The following RORB variants were observed in gnomAD, a reference collection of about 807,000 sequenced individuals.
RORB encodes RAR related orphan receptor B.
A neutral mutation model predicts 59.1 loss-of-function variants in RORB; 6 were observed. The ratio of observed to expected loss-of-function variants is 0.10; its 90% CI spans 0.06 to 0.20. RORB has a LOEUF of 0.20. Ranked by LOEUF, RORB falls within the 10% of genes least tolerant of loss-of-function variation. The probability of loss-of-function intolerance (pLI) is 1.00; values close to 1 mark genes in which losing one functional copy is unlikely to be tolerated. For missense variants in RORB, 320 were observed against 560.5 expected (o/e 0.57, Z 4.33); for synonymous variants, 215 against 204.5 (o/e 1.05, Z -0.44).
At chr9:74,531,800 ATAC>A (rs1185080461) in intron 1 of RORB, among the ~76,000 whole-genome samples, 1 of 152,010 alleles carries the variant, frequency 6.6e-6, no homozygotes, top group African/African-American at 2.4e-5. Flanking sequence ...GAGTGTAAAC[ATAC>A]TAAACTTTAC....
rs878866255 is a variant in RORB at position 74,685,329 on chromosome 9, C to A, written c.1225-134C>A. The A allele has an allele frequency of 1.3e-5, 9 of 693,706 alleles. No homozygotes were observed. In the South Asian group the frequency reaches 2.1e-4, roughly 16 times the overall value. 43.0% of individuals were successfully genotyped at this position (693,706 alleles called of 1,614,324 possible). Reference sequence around the variant, plus strand: ...TGTTGTAAGAGAAAAGCTGAAAGTGCGCCTTCTTTCTTTCTGAACATCTTT... The same window carrying A: ...TGTTGTAAGAGAAAAGCTGAAAGTGAGCCTTCTTTCTTTCTGAACATCTTT... On this transcript the variant is annotated intron_variant, in intron 9 of 9. Transcript: ENST00000376896.
intron 1 of RORB, among the ~76,000 whole-genome samples, chr9:74,519,818 G>A (rs1036073963): frequency 6.6e-6 from 1 of 151,916 alleles, no homozygotes; most frequent in African/African-American, 2.4e-5. Context: ...CCCAGAAATA[G>A]GAAAGTTACA....
chr9:74,580,176 G>T (rs1464800357), intron 1 of RORB, among the ~76,000 whole-genome samples: 2 of 152,024 alleles, frequency 1.3e-5, no homozygotes, highest in Non-Finnish European at 2.9e-5. Flanking sequence ...AAGTGGTGAC[G>T]ACCGTATTTA....
intron 1 of RORB, among the ~76,000 whole-genome samples, chr9:74,522,251 A>G (rs577535174): frequency 1.6e-4 from 24 of 151,874 alleles, no homozygotes; most frequent in South Asian, 6.2e-4. Context: ...GGAGAATTGC[A>G]TTGTGTTGAA....
chr9:74,554,415 G>C (rs898512309), intron 1 of RORB, among the ~76,000 whole-genome samples: 1 of 151,914 alleles, frequency 6.6e-6, no homozygotes, highest in Non-Finnish European at 1.5e-5. Flanking sequence ...GAAGCACCTG[G>C]GCTCTTTCAT....
At chr9:74,541,784 A>C (rs1826411559) in intron 1 of RORB, among the ~76,000 whole-genome samples, 1 of 152,208 alleles carries the variant, frequency 6.6e-6, no homozygotes, top group South Asian at 2.1e-4. Flanking sequence ...GCCAACCCTC[A>C]TGAGCTTTCA....
At chr9:74,538,773 G>A (rs1480014632) in intron 1 of RORB, among the ~76,000 whole-genome samples, 1 of 149,946 alleles carries the variant, frequency 6.7e-6, no homozygotes, top group Admixed American at 6.6e-5. Flanking sequence ...AATAGTAAAA[G>A]GGAAATATTC....
intron 1 of RORB, among the ~76,000 whole-genome samples, chr9:74,558,573 G>T (rs974996137): frequency 6.6e-6 from 1 of 152,122 alleles, no homozygotes. Context: ...CCCTTGCATG[G>T]GTTGAGTGGA....
intron 6 of RORB, among the ~76,000 whole-genome samples, chr9:74,663,356 T>G (rs1005892502): frequency 1.3e-5 from 2 of 152,216 alleles, no homozygotes; most frequent in Non-Finnish European, 2.9e-5. Context: ...GAGATCCATA[T>G]TATTATTTCC....
chr9:74,680,939 G>A lies in RORB; in HGVS notation c.1225-4524G>A, dbSNP rs569860382. Among the ~76,000 whole-genome samples, 15 of 151,876 alleles carry A rather than the reference G, an allele frequency of 9.9e-5. 1 individual carries two copies. The highest frequency in any genetic ancestry group is 2.6e-4 in the Admixed American group (4 of 15,246). The stretch of plus-strand genomic sequence containing the variant: ...GAATTTTCTCATAAAACCGCCCACC[G>A]GAGAGAAGCATAGGATTATTATCTC... On this transcript the variant is annotated intron_variant, in intron 9 of 9. Coordinates refer to ENST00000376896, the MANE Select transcript of RORB (RefSeq NM_006914.4).
chr9:74,588,777 G>T (rs909883571), intron 1 of RORB, among the ~76,000 whole-genome samples: 1 of 152,172 alleles, frequency 6.6e-6, no homozygotes, highest in African/African-American at 2.4e-5. Flanking sequence ...TAAAGCACAT[G>T]TATTACCTTT....
At chr9:74,631,969 G>T (rs1323671946) in intron 2 of RORB, among the ~76,000 whole-genome samples, 1 of 152,112 alleles carries the variant, frequency 6.6e-6, no homozygotes, top group African/African-American at 2.4e-5. Flanking sequence ...TCCATTGAAA[G>T]TATTTCTACC....
At chr9:74,518,473 G>A (rs1032089946) in intron 1 of RORB, among the ~76,000 whole-genome samples, 2 of 151,956 alleles carry the variant, frequency 1.3e-5, no homozygotes, top group African/African-American at 4.8e-5. Context: ...ACAAAAGACA[G>A]ACTGTCTTCT....
At chr9:74,654,786 C>A (rs867413748) in intron 4 of RORB, among the ~76,000 whole-genome samples, 13 of 152,020 alleles carry the variant, frequency 8.6e-5, no homozygotes, top group South Asian at 4.1e-4. Context: ...TTCCAATAAG[C>A]CTTCCACAAA....
intron 8 of RORB, among the ~76,000 whole-genome samples, chr9:74,668,688 T>A (rs1824304679): frequency 6.6e-6 from 1 of 152,134 alleles, no homozygotes; most frequent in Non-Finnish European, 1.5e-5. Flanking sequence ...GTTCATTAAG[T>A]GGAAGTGGAT....
chr9:74,510,056 A>G (rs546945053), intron 1 of RORB, among the ~76,000 whole-genome samples: 1 of 152,124 alleles, frequency 6.6e-6, no homozygotes, highest in Non-Finnish European at 1.5e-5. Flanking sequence ...TTATTAGTCT[A>G]CTGTTAGTGA....
rs1563975111 is a variant in RORB, at chr9:74,686,600, A to C, written c.*982A>C. 6.6e-6 allele frequency: 1 copy of C among 152,194 alleles called. No individual in the cohort carries two copies. Among genetic ancestry groups the C allele is most frequent in the Non-Finnish European group, 1.5e-5 (1 of 68,010 alleles). 9.4% of individuals were successfully genotyped at this position (152,194 alleles called of 1,614,324 possible). ...TGATTTCAGTGCTTATTGTGTCTTC[A>C]ACTGAAAAATACAATCTGTGGATTA... On this transcript the variant is annotated 3_prime_UTR_variant, in exon 10 of 10. Coordinates refer to ENST00000376896, the MANE Select transcript of RORB (RefSeq NM_006914.4).
intron 7 of RORB, among the ~76,000 whole-genome samples, chr9:74,667,318 G>T (rs900580329): frequency 6.6e-6 from 1 of 152,132 alleles, no homozygotes; most frequent in Admixed American, 6.5e-5. Context: ...TATTTCTAAC[G>T]TCTCAGTTTA....
chr9:74,554,716 G>A (rs1170236099), intron 1 of RORB, among the ~76,000 whole-genome samples: 3 of 152,222 alleles, frequency 2.0e-5, no homozygotes, highest in Non-Finnish European at 4.4e-5. Flanking sequence ...AAAGATAGTT[G>A]AAATACTAGC....
Sources: allele counts gnomAD v4.1 joint callset (sites outside exome capture counted in the v4.1 genomes callset), GRCh38; gene constraint gnomAD v4.1.1; transcripts MANE v1.5; gene names NCBI Gene and HGNC (gene_info 2026-07-23, HGNC 2026-07-21).